INVS: variants seen among roughly 807,000 people sequenced by gnomAD.
The protein encoded by INVS is inversin.
Under a neutral mutation model 108.8 loss-of-function variants are expected in INVS, and 86 were observed. The observed-to-expected ratio is 0.79, with a 90% CI of 0.66 to 0.95. The LOEUF (loss-of-function observed/expected upper bound fraction) is 0.95. Among genes scored for constraint, INVS ranks in the 40% least tolerant of loss-of-function variants. The pLI is 0.00. For synonymous variants in INVS, 455 were observed against 473.5 expected (o/e 0.96, Z 0.51); for missense variants, 1,169 against 1,297.4 (o/e 0.90, Z 1.52).
intron 16 of INVS, chr9:100,298,241 A>G: frequency 3.5e-6 from 5 of 1,421,666 alleles, no homozygotes; most frequent in Non-Finnish European, 2.7e-6. Flanking sequence ...AATAAATGGT[A>G]GCTATTATTG....
intron 10 of INVS, among the ~76,000 whole-genome samples, chr9:100,254,415 G>C (rs548681341): frequency 6.6e-6 from 1 of 152,236 alleles, no homozygotes; most frequent in African/African-American, 2.4e-5. Flanking sequence ...AAGCTCTTTA[G>C]TTTAATTAGA....
At chr9:100,239,410 T>C (rs1243934071) in intron 5 of INVS, among the ~76,000 whole-genome samples, 1 of 152,208 alleles carries the variant, frequency 6.6e-6, no homozygotes, top group Non-Finnish European at 1.5e-5. Flanking sequence ...ACAAAATTTA[T>C]ATATTGTTTA....
intron 8 of INVS, among the ~76,000 whole-genome samples, chr9:100,248,665 A>C (rs66702753): frequency 0.18 from 27,353 of 152,056 alleles, 2,886 homozygotes; most frequent in Non-Finnish European, 0.24. Flanking sequence ...TTTACCAGTG[A>C]TTAAGCTATT....
intron 2 of INVS, among the ~76,000 whole-genome samples, chr9:100,112,381 A>G (rs967939145): frequency 1.5e-4 from 23 of 152,248 alleles, no homozygotes; most frequent in African/African-American, 4.1e-4. Context: ...TGGGAAATAC[A>G]TATATCGGTT....
At chr9:100,193,350 A>G (rs901859843) in intron 3 of INVS, among the ~76,000 whole-genome samples, 2 of 152,190 alleles carry the variant, frequency 1.3e-5, no homozygotes, top group Non-Finnish European at 2.9e-5. Flanking sequence ...GCAAAAATAT[A>G]CATAACATGA....
intron 3 of INVS, among the ~76,000 whole-genome samples, chr9:100,137,718 G>A (rs1828272353): frequency 6.6e-6 from 1 of 152,130 alleles, no homozygotes; most frequent in African/African-American, 2.4e-5. Context: ...GTTATACATA[G>A]TGTTTACAAA....
chr9:100,252,518 C>T, intron 9 of INVS, 80 bp downstream of exon 9: 1 of 1,336,612 alleles, frequency 7.5e-7, no homozygotes, highest in South Asian at 1.2e-5. Flanking sequence ...ATAAAGCTTT[C>T]CTTAGCAGAA....
At chr9:100,261,760 CT>C (rs1420346971) in intron 10 of INVS, among the ~76,000 whole-genome samples, 3 of 152,078 alleles carry the variant, frequency 2.0e-5, no homozygotes, top group Admixed American at 2.0e-4. Context: ...AATCTTTATA[CT>C]TTTCATTTCT....
chr9:100,176,361 G>A (rs1051386170), intron 3 of INVS, among the ~76,000 whole-genome samples: 10 of 152,194 alleles, frequency 6.6e-5, no homozygotes, highest in African/African-American at 2.4e-4. Flanking sequence ...TATAATACTA[G>A]TTTGAATATC....
intron 3 of INVS, among the ~76,000 whole-genome samples, chr9:100,132,975 C>A (rs138256223): frequency 6.6e-6 from 1 of 151,962 alleles, no homozygotes; most frequent in Non-Finnish European, 1.5e-5. Flanking sequence ...CGTGATGGTG[C>A]GTGCCTATAA....
intron 3 of INVS, among the ~76,000 whole-genome samples, chr9:100,129,186 A>G (rs1768317544): frequency 6.6e-6 from 1 of 151,562 alleles, no homozygotes; most frequent in African/African-American, 2.4e-5. Flanking sequence ...TATTATAATT[A>G]AAAGAAGGAA....
chr9:100,283,635 C>T (rs140271292), intron 12 of INVS, among the ~76,000 whole-genome samples: 5 of 152,310 alleles, frequency 3.3e-5, no homozygotes, highest in South Asian at 2.1e-4. Flanking sequence ...CATCTTTAGA[C>T]GGGCCCCTGC....
At chr9:100,106,677 T>A (rs891102743) in intron 2 of INVS, among the ~76,000 whole-genome samples, 8 of 152,214 alleles carry the variant, frequency 5.3e-5, no homozygotes, top group African/African-American at 1.7e-4. Context: ...TATCTCCATT[T>A]CACAAAACCA....
chr9:100,142,818 G>A (rs1425628722), intron 3 of INVS, among the ~76,000 whole-genome samples: 1 of 152,198 alleles, frequency 6.6e-6, no homozygotes, highest in African/African-American at 2.4e-5. Flanking sequence ...GTAAGGTCCA[G>A]TTGTTTGGAC....
chr9:100,190,159 T>G (rs918727732), intron 3 of INVS, among the ~76,000 whole-genome samples: 3 of 152,202 alleles, frequency 2.0e-5, no homozygotes, highest in Non-Finnish European at 1.5e-5. Context: ...CTTTTAACCA[T>G]TGTTGCTTTA....
chr9:100,138,856 G>T (rs1017028997), intron 3 of INVS, among the ~76,000 whole-genome samples: 2 of 151,654 alleles, frequency 1.3e-5, no homozygotes, highest in Middle Eastern at 3.4e-3. Flanking sequence ...ACAGGGGCCT[G>T]CCACCACGCC....
chr9:100,255,001 G>C (rs998168851), intron 10 of INVS, among the ~76,000 whole-genome samples: 1 of 152,052 alleles, frequency 6.6e-6, no homozygotes, highest in Non-Finnish European at 1.5e-5. Context: ...TATAAATTAT[G>C]TTGGGCAATA....
At chr9:100,118,354 G>A (rs1032287877) in intron 2 of INVS, among the ~76,000 whole-genome samples, 1 of 151,576 alleles carries the variant, frequency 6.6e-6, no homozygotes, top group African/African-American at 2.4e-5. Context: ...GATTACAGAC[G>A]CCCGCCACCA....
At chr9:100,289,171 T>C (rs1833538863) in intron 13 of INVS, among the ~76,000 whole-genome samples, 2 of 152,248 alleles carry the variant, frequency 1.3e-5, no homozygotes, top group Admixed American at 6.5e-5. Flanking sequence ...TCCTGAACTG[T>C]ATCTACAGCT....
Sources: gnomAD v4.1 joint callset for allele counts (sites outside exome capture counted in the v4.1 genomes callset) on GRCh38, gnomAD v4.1.1 for gene constraint, MANE v1.5 for transcripts, NCBI Gene and HGNC (gene_info 2026-07-23, HGNC 2026-07-21) for gene names.